ADGRA3: variants seen among roughly 807,000 people sequenced by gnomAD.
ADGRA3 encodes adhesion G protein-coupled receptor A3, also known as G-protein coupled receptor 125.
ADGRA3 carries 56 observed loss-of-function variants against 119.8 expected under a neutral mutation model. The ratio of observed to expected loss-of-function variants is 0.47; its 90% confidence interval spans 0.38 to 0.58. The LOEUF is 0.58. Ranked by LOEUF, ADGRA3 falls within the 20% of genes least tolerant of loss-of-function variation. The probability of loss-of-function intolerance (pLI) is 0.00; values close to 1 mark genes in which losing one functional copy is unlikely to be tolerated. For synonymous variants in ADGRA3, 607 were observed against 623.8 expected (o/e 0.97, Z 0.40); for missense variants, 1,516 against 1,649.0 (o/e 0.92, Z 1.40).
intron 1 of ADGRA3, among the ~76,000 whole-genome samples, chr4:22,474,288 A>G (rs1385321667): frequency 6.6e-6 from 1 of 152,236 alleles, no homozygotes; most frequent in African/African-American, 2.4e-5. Flanking sequence ...CATCATTTCA[A>G]TAAGACTGAA....
chr4:22,431,479 C>G (rs1716167332), intron 10 of ADGRA3, among the ~76,000 whole-genome samples: 1 of 152,184 alleles, frequency 6.6e-6, no homozygotes. Context: ...CAAAGGAGAT[C>G]ATTTTGGAGC....
chr4:22,400,381 CA>C (rs1560297089), intron 16 of ADGRA3, among the ~76,000 whole-genome samples: 1 of 152,110 alleles, frequency 6.6e-6, no homozygotes, highest in Non-Finnish European at 1.5e-5. Flanking sequence ...AGAGGAAAAT[CA>C]TATTCACCAA....
At chr4:22,410,924 A>G (rs527278943) in intron 14 of ADGRA3, among the ~76,000 whole-genome samples, 1 of 152,324 alleles carries the variant, frequency 6.6e-6, no homozygotes, top group South Asian at 2.1e-4. Flanking sequence ...ACTTTAAAGA[A>G]TTGTGTATTA....
Position 22,387,539 on chromosome 4 carries a change from T to C in ADGRA3, c.*166A>G, listed in dbSNP as rs139305112. ...AGATTTTGTTTCAGATCCTAAAAAATAGCAACAATTTGGGGATAAAAATAA... is the reference window on the plus strand; with the variant it reads ...AGATTTTGTTTCAGATCCTAAAAAACAGCAACAATTTGGGGATAAAAATAA... On this transcript the variant is annotated 3_prime_UTR_variant, in exon 19 of 19. Transcript: ENST00000334304. 149 of 605,106 alleles carry C rather than the reference T, an allele frequency of 2.5e-4. 1 individual carries two copies. In the East Asian group the frequency reaches 3.7e-3, roughly 15 times the overall value. 37.5% of individuals were successfully genotyped at this position (605,106 alleles called of 1,614,324 possible). A position where few individuals can be genotyped will look rare whatever the true frequency, so the allele number is the denominator to read the frequency against.
At chr4:22,409,013 A>G (rs1426928109) in intron 14 of ADGRA3, among the ~76,000 whole-genome samples, 3 of 152,206 alleles carry the variant, frequency 2.0e-5, no homozygotes, top group African/African-American at 7.2e-5. Context: ...ACACAAGTGT[A>G]CATACTACAC....
chr4:22,412,688 A>G (rs1273378039), intron 14 of ADGRA3, among the ~76,000 whole-genome samples: 1 of 152,236 alleles, frequency 6.6e-6, no homozygotes, highest in African/African-American at 2.4e-5. Context: ...CTGAAAAGAC[A>G]TTCTTTGTGT....
intron 10 of ADGRA3, among the ~76,000 whole-genome samples, chr4:22,428,635 T>C (rs1452561265): frequency 6.6e-6 from 1 of 152,208 alleles, no homozygotes; most frequent in African/African-American, 2.4e-5. Context: ...GTCTTCACGA[T>C]GTTCTCCTAG....
chr4:22,424,260 A>T lies in ADGRA3; in HGVS notation c.1536T>A (p.Ser512Arg). Residue 512 changes from serine (S) to arginine (R), a missense_variant, in exon 11 of 19, where the codon AGT becomes AGA. This residue lies in a region of ADGRA3 where 1,088 missense variants were observed against 1,107.1 expected (regional missense o/e 0.98). Transcript: ENST00000334304. ...WLAQREAKAC[S>R]RIVQCLQRIA... ...TGCGCTGAAGACACTGCACAATCCT[A>T]CTGCAGGCTTTAGCTTCCCTCTGCG... is the stretch of plus-strand genomic sequence containing the variant. 6.2e-7 allele frequency: 1 copy of T among 1,613,668 alleles called. No individual in the cohort carries two copies.
At chr4:22,418,358 G>A (rs756043770) in intron 12 of ADGRA3, among the ~76,000 whole-genome samples, 2 of 152,142 alleles carry the variant, frequency 1.3e-5, no homozygotes, top group South Asian at 2.1e-4. Flanking sequence ...TGGGAAAAAC[G>A]GGAAGAAAAA....
chr4:22,464,982 T>C (rs1221125244), intron 2 of ADGRA3, among the ~76,000 whole-genome samples: 1 of 152,142 alleles, frequency 6.6e-6, no homozygotes, highest in Non-Finnish European at 1.5e-5. Context: ...AGCCTGGTAA[T>C]GTGAACCAGC....
intron 16 of ADGRA3, among the ~76,000 whole-genome samples, chr4:22,398,388 CTTTA>C (rs1001879719): frequency 6.6e-6 from 1 of 152,040 alleles, no homozygotes; most frequent in Non-Finnish European, 1.5e-5. Context: ...CACAACCTGC[CTTTA>C]TTTAGTTACT....
At chr4:22,465,939 C>T (rs186879157) in intron 2 of ADGRA3, among the ~76,000 whole-genome samples, 1 of 152,292 alleles carries the variant, frequency 6.6e-6, no homozygotes, top group Non-Finnish European at 1.5e-5. Flanking sequence ...CCCCACCCTT[C>T]CAATTAGGCC....
In ADGRA3 at chr4:22,506,717, C is replaced by T. The variant is rs76454773; in HGVS notation, c.257+8811G>A. On this transcript the variant is annotated intron_variant, in intron 1 of 18. Transcript: ENST00000334304. ...ACACATAGGTAATTCCCTTACTAGA[C>T]ATGCAACATTTCTGAAACTTTAGTC... Among the ~76,000 whole-genome samples, 1,286 of 151,554 alleles carry T rather than the reference C, an allele frequency of 8.5e-3. 14 individuals carry two copies. Among genetic ancestry groups the T allele is most frequent in the African/African-American group, 0.03 (1,236 of 41,244 alleles).
intron 1 of ADGRA3, among the ~76,000 whole-genome samples, chr4:22,502,587 G>C (rs1377249395): frequency 7.4e-6 from 1 of 134,238 alleles, no homozygotes; most frequent in Non-Finnish European, 1.6e-5. Flanking sequence ...CTGGGGAGAG[G>C]AGCTTTTTTA....
chr4:22,453,564 T>C (rs1489886795), intron 4 of ADGRA3, among the ~76,000 whole-genome samples: 3 of 152,166 alleles, frequency 2.0e-5, no homozygotes, highest in Non-Finnish European at 4.4e-5. Flanking sequence ...TAACTTGAAA[T>C]ACAAGAAACA....
At chr4:22,448,817 C>G (rs1317421616) in intron 4 of ADGRA3, among the ~76,000 whole-genome samples, 1 of 151,842 alleles carries the variant, frequency 6.6e-6, no homozygotes, top group Admixed American at 6.6e-5. Flanking sequence ...AGAATAAGTA[C>G]CTAGGAACTT....
chr4:22,392,810 A>C, intron 16 of ADGRA3, 120 bp from the exon 17 acceptor site: 1 of 819,980 alleles, frequency 1.2e-6, no homozygotes, highest in Non-Finnish European at 1.9e-6. Flanking sequence ...TATCCTAATA[A>C]TCAACTCTGT....
chr4:22,451,692 T>C (rs549972522), intron 4 of ADGRA3, among the ~76,000 whole-genome samples: 5 of 152,132 alleles, frequency 3.3e-5, no homozygotes, highest in African/African-American at 4.8e-5. Context: ...ATGCCTAGGC[T>C]GTCCGCCAAG....
chr4:22,507,080 T>TA (rs34248497), intron 1 of ADGRA3, among the ~76,000 whole-genome samples: 126,410 of 149,236 alleles, frequency 0.85, 53,537 homozygotes, highest in East Asian at 0.99. Context: ...TACTAAAAAT[T>TA]AAAAAAAAAA....
Sources: gnomAD v4.1 joint callset for allele counts (sites outside exome capture counted in the v4.1 genomes callset) on GRCh38, gnomAD v4.1.1 for gene constraint, gnomAD v4.1.1 regional missense constraint, MANE v1.5 for transcripts, NCBI Gene and HGNC (gene_info 2026-07-23, HGNC 2026-07-21) for gene names.